Variants in PTPRA observed in about 807,000 individuals in gnomAD.
The protein encoded by PTPRA is protein tyrosine phosphatase receptor type A.
A neutral mutation model predicts 104.8 loss-of-function variants in PTPRA; 25 were observed. The ratio of observed to expected loss-of-function variants is 0.24; its 90% CI spans 0.17 to 0.33. The LOEUF (loss-of-function observed/expected upper bound fraction) is 0.33. Ranked by LOEUF, PTPRA falls within the 10% of genes least tolerant of loss-of-function variation. The pLI is 1.00. For missense variants in PTPRA, 765 were observed against 1,015.3 expected (o/e 0.75, Z 3.35); for synonymous variants, 323 against 368.9 (o/e 0.88, Z 1.43).
At chr20:2,864,554 A>G in the PTPRA span, 2 of 1,614,122 alleles carry the variant, frequency 1.2e-6, no homozygotes, top group Non-Finnish European at 1.7e-6. This position sits in a 1 kb window ranked among gnomAD's most constrained non-coding sequence, Gnocchi z 5.2. Context: ...CAGTTCTGTA[A>G]GCATCAGGAG....
rs1391714071 is a variant in PTPRA, at chr20:3,017,801, T to C, written c.944-15T>C. On this transcript the variant is annotated splice_polypyrimidine_tract_variant and intron_variant, in intron 12 of 23. Transcript: ENST00000399903. ...TGGTGTATATTCTCTTCATTTTTGC[T>C]GTTGGCTACTTTAGGACCAAAAGAA... is the stretch of plus-strand genomic sequence containing the variant. 5 of 1,609,890 alleles carry C rather than the reference T, an allele frequency of 3.1e-6. No homozygotes were observed. In the South Asian group the frequency reaches 3.3e-5, roughly 11 times the overall value.
intron 2 of PTPRA, among the ~76,000 whole-genome samples, chr20:2,928,123 T>G (rs6051482): frequency 0.65 from 98,574 of 151,840 alleles, 33,558 homozygotes; most frequent in African/African-American, 0.86. Flanking sequence ...CCGTTTTTTG[T>G]TGTTGTTGTT....
At chr20:2,952,846 A>G (rs190152261) in intron 3 of PTPRA, among the ~76,000 whole-genome samples, 11 of 152,342 alleles carry the variant, frequency 7.2e-5, no homozygotes, top group Non-Finnish European at 1.5e-5. Flanking sequence ...GCTTATTAGT[A>G]TAATGTCTTC....
chr20:2,866,706 G>T, the PTPRA span: 144 of 1,368,496 alleles, frequency 1.1e-4, no homozygotes, highest in Admixed American at 2.2e-4. Context: ...AGGGCTGTCT[G>T]GTTTTAAATA....
intron 3 of PTPRA, among the ~76,000 whole-genome samples, chr20:2,962,057 G>A (rs1003919365): frequency 6.6e-6 from 1 of 152,064 alleles, no homozygotes; most frequent in African/African-American, 2.4e-5. Flanking sequence ...CTTTAATATT[G>A]AGTTGCCCCT....
chr20:2,910,044 AATATATATCATATCATATATAATAT>A (rs2059606991), intron 1 of PTPRA, among the ~76,000 whole-genome samples: 1 of 124,364 alleles, frequency 8.0e-6, no homozygotes, highest in Non-Finnish European at 1.6e-5. Context: ...TATCATATAT[AATATATATCATATCATATATAATAT>A]ATATGATGTA....
intron 3 of PTPRA, among the ~76,000 whole-genome samples, chr20:2,957,568 T>A (rs2061583407): frequency 6.6e-6 from 1 of 151,962 alleles, no homozygotes; most frequent in Non-Finnish European, 1.5e-5. Context: ...AAATTTTTCA[T>A]CTTCTTTGAA....
At chr20:2,976,739 A>C (rs1434445997) in intron 6 of PTPRA, among the ~76,000 whole-genome samples, 1 of 152,222 alleles carries the variant, frequency 6.6e-6, no homozygotes, top group African/African-American at 2.4e-5. Flanking sequence ...ATTTTAAGCC[A>C]AATGCTTTTT....
chr20:2,964,810 T>A, intron 4 of PTPRA, 51 bp from the exon 5 acceptor site: 2 of 1,487,782 alleles, frequency 1.3e-6, no homozygotes, highest in Non-Finnish European at 1.8e-6. Context: ...CTCACAGCTT[T>A]TTAGCCTCAC....
At chr20:2,957,417 A>G (rs1439638836) in intron 3 of PTPRA, among the ~76,000 whole-genome samples, 1 of 152,178 alleles carries the variant, frequency 6.6e-6, no homozygotes, top group East Asian at 1.9e-4. Flanking sequence ...TACCCATTTT[A>G]CTTTTAGGCT....
intron 13 of PTPRA, among the ~76,000 whole-genome samples, chr20:3,019,954 A>C (rs1218166222): frequency 3.3e-5 from 5 of 151,704 alleles, no homozygotes; most frequent in Admixed American, 6.6e-5. Flanking sequence ...CGCGCCTGCA[A>C]TCGCAGGCAC....
At position 3,037,115 on chromosome 20, in the gene PTPRA, G is replaced by A; in HGVS notation, c.2199-39G>A. On this transcript the variant is annotated intron_variant, in intron 22 of 23. Transcript: ENST00000399903. This position sits in a 1 kb window ranked among gnomAD's most constrained non-coding sequence, Gnocchi z 4.3. ...TGTCACTCACCCCCTTGCACAGAGGGCCATCACAGGTGTGGTAAATGTGTC... is the reference window on the plus strand; with the variant it reads ...TGTCACTCACCCCCTTGCACAGAGGACCATCACAGGTGTGGTAAATGTGTC... 1 of 1,605,936 alleles carries A rather than the reference G, an allele frequency of 6.2e-7. No individual in the cohort carries two copies.
chr20:2,986,964 G>A, intron 7 of PTPRA, 115 bp downstream of exon 7: 3 of 940,000 alleles, frequency 3.2e-6, no homozygotes, highest in Non-Finnish European at 5.1e-6. Context: ...GGATAGAGGG[G>A]GAATGACCCA....
chr20:2,956,698 C>A (rs2061549672), intron 3 of PTPRA, among the ~76,000 whole-genome samples: 1 of 149,016 alleles, frequency 6.7e-6, no homozygotes, highest in Non-Finnish European at 1.5e-5. Flanking sequence ...ATAAATAAAT[C>A]AGCCATAATT....
chr20:2,982,709 T>G (rs1439846093), intron 6 of PTPRA, among the ~76,000 whole-genome samples: 1 of 152,064 alleles, frequency 6.6e-6, no homozygotes, highest in Non-Finnish European at 1.5e-5. Context: ...TTTTTTTTTT[T>G]TTTTTGAGAC....
At chr20:3,008,784 G>A (rs2064006806) in intron 11 of PTPRA, among the ~76,000 whole-genome samples, 2 of 151,292 alleles carry the variant, frequency 1.3e-5, no homozygotes, top group Admixed American at 1.3e-4. Context: ...GTGGTGGCAG[G>A]CGCCTGTAAT....
rs1248354348 is a variant in PTPRA, at chr20:3,024,583, C to G, written c.1576C>G (p.Pro526Ala). The change falls in exon 17 of 24, where the codon CCA (proline) becomes GCA (alanine). Residue 526 changes from proline to alanine, a missense_variant. By Grantham distance (27) the Pro-to-Ala change is conservative. Around this residue, in one of 4 missense-constraint regions of PTPRA, gnomAD observed 192 missense variants for 227.0 expected, o/e 0.85. Coordinates refer to ENST00000399903, the MANE Select transcript of PTPRA (RefSeq NM_001385305.1). Reference protein sequence around the residue: ...THLQKIYNKIPGTSNNGLEEE... With the variant: ...THLQKIYNKIAGTSNNGLEEE... Reference sequence around the variant, plus strand: ...CCTGCAGAAAATTTACAACAAAATCCCAGGGACCAGCAACAATGGATTAGA... The same window carrying G: ...CCTGCAGAAAATTTACAACAAAATCGCAGGGACCAGCAACAATGGATTAGA... 6 of 1,613,922 alleles carry G rather than the reference C, an allele frequency of 3.7e-6. No individual in the cohort carries two copies. Among genetic ancestry groups the G allele is most frequent in the Non-Finnish European group, 4.2e-6 (5 of 1,180,016 alleles).
At chr20:2,925,652 A>G (rs909114566) in intron 2 of PTPRA, among the ~76,000 whole-genome samples, 2 of 152,130 alleles carry the variant, frequency 1.3e-5, no homozygotes, top group African/African-American at 4.8e-5. Context: ...CATTTCTACC[A>G]AAAATGCAAA....
chr20:2,882,053 C>A (rs961870956), intron 1 of PTPRA, among the ~76,000 whole-genome samples: 2 of 152,076 alleles, frequency 1.3e-5, no homozygotes, highest in African/African-American at 4.8e-5. Flanking sequence ...ATTCTTCCTG[C>A]CCCACCCCCA....
Sources: gnomAD v4.1 joint callset for allele counts (sites outside exome capture counted in the v4.1 genomes callset) on GRCh38, gnomAD v4.1.1 for gene constraint, gnomAD v4.1.1 regional missense constraint, Gnocchi (gnomAD v3.1) non-coding constraint, MANE v1.5 for transcripts, NCBI Gene and HGNC (gene_info 2026-07-23, HGNC 2026-07-21) for gene names.